Variants in RASSF2 observed in about 807,000 individuals in gnomAD.
The protein encoded by RASSF2 is Ras association domain family member 2.
RASSF2 carries 34 observed loss-of-function variants against 46.3 expected under a neutral mutation model. The ratio of observed to expected loss-of-function variants is 0.73; its 90% CI spans 0.56 to 0.98. The LOEUF (loss-of-function observed/expected upper bound fraction) is 0.98, where lower values mean the gene tolerates loss of function less well. Among genes scored for constraint, RASSF2 ranks in the 50% least tolerant of loss-of-function variants. RASSF2 has a pLI of 0.00. For synonymous variants in RASSF2, 158 were observed against 162.5 expected (o/e 0.97, Z 0.21); for missense variants, 364 against 431.2 (o/e 0.84, Z 1.38).
At chr20:4,787,865 G>A in intron 9 of RASSF2, 111 bp from the exon 10 acceptor site, 1 of 1,364,798 alleles carries the variant, frequency 7.3e-7, no homozygotes, top group South Asian at 1.3e-5. Context: ...TACGTCAGGA[G>A]ACTGATTTAT....
At chr20:4,815,572 A>T (rs537869516) in intron 2 of RASSF2, among the ~76,000 whole-genome samples, 1 of 151,958 alleles carries the variant, frequency 6.6e-6, no homozygotes, top group African/African-American at 2.4e-5. Context: ...AAAGGCAGAG[A>T]TCCTCCTTCT....
Position 4,795,729 on chromosome 20 carries a change from G to A in RASSF2, c.287+86C>T. The A allele has an allele frequency of 4.0e-6, 6 of 1,490,212 alleles. No individual in the cohort carries two copies. The highest frequency in any genetic ancestry group is 5.4e-6 in the Non-Finnish European group (6 of 1,103,470). The allele number at this position is 1,490,212 out of a possible 1,614,324, so 92.3% of individuals were successfully genotyped here. ...GGAGGAGCCAGGGTCAGGGCTGGCT[G>A]GAAGAAGGCAGCATTTATCTGCTTG... On this transcript the variant is annotated intron_variant, in intron 5 of 11. Transcript: ENST00000379400. This position sits in a 1 kb window ranked among gnomAD's most constrained non-coding sequence, Gnocchi z 4.0.
At chr20:4,796,072 C>G in intron 4 of RASSF2, 106 bp from the exon 5 acceptor site, 1 of 1,299,886 alleles carries the variant, frequency 7.7e-7, no homozygotes, top group Non-Finnish European at 1.0e-6. Flanking sequence ...GGCTGGGGGC[C>G]CCCAGACTGT....
intron 8 of RASSF2, 43 bp downstream of exon 8, chr20:4,789,553 C>A: frequency 6.5e-7 from 1 of 1,531,846 alleles, no homozygotes; most frequent in South Asian, 1.1e-5. Flanking sequence ...TCCCAAGGCA[C>A]AGCTGTGACC....
intron 3 of RASSF2, among the ~76,000 whole-genome samples, chr20:4,798,495 G>C (rs1198646087): frequency 6.6e-6 from 1 of 152,144 alleles, no homozygotes; most frequent in Non-Finnish European, 1.5e-5. Context: ...AGCACGCTGT[G>C]AGTGAGGAAA....
At chr20:4,807,530 T>A (rs1206851319) in intron 2 of RASSF2, among the ~76,000 whole-genome samples, 1 of 152,162 alleles carries the variant, frequency 6.6e-6, no homozygotes, top group Non-Finnish European at 1.5e-5. Flanking sequence ...TCAATACAAG[T>A]AATTAATAAA....
chr20:4,793,514 C>A (rs1483757068), intron 5 of RASSF2, among the ~76,000 whole-genome samples: 2 of 152,200 alleles, frequency 1.3e-5, no homozygotes, highest in East Asian at 3.8e-4. Context: ...TTCTGAACCA[C>A]AGAATGGACC....
intron 3 of RASSF2, among the ~76,000 whole-genome samples, chr20:4,799,232 C>A (rs974111726): frequency 6.6e-6 from 1 of 152,196 alleles, no homozygotes; most frequent in Non-Finnish European, 1.5e-5. Flanking sequence ...TCCTTAGCCA[C>A]CAAGTTTTCC....
At chr20:4,819,378 A>C (rs1317899278) in intron 2 of RASSF2, among the ~76,000 whole-genome samples, 3 of 152,194 alleles carry the variant, frequency 2.0e-5, no homozygotes, top group Non-Finnish European at 4.4e-5. Flanking sequence ...GGGAGTGTAC[A>C]AAGTACAAAG....
intron 10 of RASSF2, 105 bp downstream of exon 10, chr20:4,787,528 G>A: frequency 7.1e-7 from 1 of 1,413,300 alleles, no homozygotes; most frequent in African/African-American, 1.4e-5. Flanking sequence ...AGTAAAAGGG[G>A]GCATGGTCGT....
chr20:4,812,523 A>C lies in RASSF2; in HGVS notation c.-33+9806T>G, dbSNP rs1219119721. On this transcript the variant is annotated intron_variant, in intron 2 of 11. Coordinates refer to ENST00000379400, the MANE Select transcript of RASSF2 (RefSeq NM_014737.3). The surrounding 1 kb of genome is among the most constrained non-coding windows in gnomAD (Gnocchi z 4.0). ...ATCAGCCAACCCAACTGTATTCTGGAGGAGAGGTTCTCCCACTTGAGTGTG... is the reference window on the plus strand; with the variant it reads ...ATCAGCCAACCCAACTGTATTCTGGCGGAGAGGTTCTCCCACTTGAGTGTG... Among the ~76,000 whole-genome samples, 2 of 152,192 alleles carry C rather than the reference A, an allele frequency of 1.3e-5. No individual in the cohort carries two copies. The highest frequency in any genetic ancestry group is 1.5e-5 in the Non-Finnish European group (1 of 68,038).
chr20:4,794,895 T>G (rs1283657067), intron 5 of RASSF2, among the ~76,000 whole-genome samples: 1 of 152,202 alleles, frequency 6.6e-6, no homozygotes, highest in African/African-American at 2.4e-5. Flanking sequence ...AGTAGGTTTC[T>G]CTCAATTGTA....
rs2122459647 is a variant in RASSF2, at chr20:4,790,009, GA to G, written c.538-313del. ...GCAGGAGGAAAGGAGGGATCAGCAA[GA>G]TGGGGTGGGGTGGGTGGTGCACTGA... On this transcript the variant is annotated intron_variant, in intron 7 of 11. Transcript: ENST00000379400. This position sits in a 1 kb window ranked among gnomAD's most constrained non-coding sequence, Gnocchi z 4.3. Among the ~76,000 whole-genome samples, 1 of 152,314 alleles carries G rather than the reference GA, an allele frequency of 6.6e-6. No individual in the cohort carries two copies. The highest frequency in any genetic ancestry group is 1.9e-4 in the East Asian group (1 of 5,168).
intron 2 of RASSF2, among the ~76,000 whole-genome samples, chr20:4,803,785 G>T (rs992354045): frequency 1.3e-5 from 2 of 149,042 alleles, no homozygotes; most frequent in African/African-American, 2.5e-5. Flanking sequence ...AAGGCCAGGC[G>T]CAGTGGCTCA....
chr20:4,810,505 C>A (rs1487051923), intron 2 of RASSF2, among the ~76,000 whole-genome samples: 2 of 152,150 alleles, frequency 1.3e-5, no homozygotes, highest in African/African-American at 4.8e-5. Flanking sequence ...GAACGTGCCA[C>A]CTTTCCTTGG....
chr20:4,808,155 T>C (rs1927491191), intron 2 of RASSF2, among the ~76,000 whole-genome samples: 1 of 152,248 alleles, frequency 6.6e-6, no homozygotes, highest in Non-Finnish European at 1.5e-5. Context: ...TGCCATTATC[T>C]GTGGCCTTGG....
chr20:4,792,357 C>T (rs1156248680), intron 6 of RASSF2, among the ~76,000 whole-genome samples, 182 bp downstream of exon 6: 1 of 151,314 alleles, frequency 6.6e-6, no homozygotes, highest in South Asian at 2.1e-4. Context: ...GACTATCCCA[C>T]GAAGGATGTT....
chr20:4,819,111 C>T (rs933146111), intron 2 of RASSF2, among the ~76,000 whole-genome samples: 2 of 152,142 alleles, frequency 1.3e-5, no homozygotes, highest in Admixed American at 6.5e-5. Flanking sequence ...TACAGGCGCC[C>T]GCCACCATGC....
chr20:4,798,803 G>GTGACAGAGTGAAACTCTGTCT (rs1555790810), intron 3 of RASSF2, among the ~76,000 whole-genome samples: 1 of 148,270 alleles, frequency 6.7e-6, no homozygotes, highest in African/African-American at 2.5e-5. Context: ...TCCAGCCTGG[G>GTGACAGAGTGAAACTCTGTCT]CAAAAGACTG....
Sources: allele counts gnomAD v4.1 joint callset (sites outside exome capture counted in the v4.1 genomes callset), GRCh38; gene constraint gnomAD v4.1.1; non-coding constraint Gnocchi (gnomAD v3.1); transcripts MANE v1.5; gene names NCBI Gene and HGNC (gene_info 2026-07-23, HGNC 2026-07-21).